The following PRDM5 variants were observed in gnomAD, a reference collection of about 807,000 sequenced individuals.
PRDM5 encodes PR/SET domain 5.
A neutral mutation model predicts 81.2 loss-of-function variants in PRDM5; 56 were observed. That is an observed-to-expected ratio of 0.69 (90% confidence interval 0.56 to 0.86). The LOEUF is 0.86. Ranked by LOEUF, PRDM5 falls within the 40% of genes least tolerant of loss-of-function variation. PRDM5 has a pLI of 0.00. For missense variants in PRDM5, 697 were observed against 770.1 expected (o/e 0.91, Z 1.12); for synonymous variants, 267 against 256.4 (o/e 1.04, Z -0.39).
In PRDM5 at chr4:120,839,870, G is replaced by A. The variant is rs557215622; in HGVS notation, c.300+13548C>T. 7.2e-5 allele frequency among the ~76,000 whole-genome samples: 11 copies of A among 152,310 alleles called. No homozygotes were observed. In the East Asian group the frequency reaches 2.1e-3, roughly 29 times the overall value. ...CATTGGTGCCCAAGTCTGCAGCGGG[G>A]GAGCTGAGGCAGCGGGGAGCTGAGG... On this transcript the variant is annotated intron_variant, in intron 3 of 15. Transcript: ENST00000264808.
chr4:120,827,061 G>A (rs891466193), intron 3 of PRDM5, among the ~76,000 whole-genome samples: 1 of 152,148 alleles, frequency 6.6e-6, no homozygotes, highest in African/African-American at 2.4e-5. Context: ...TACAAAGTGA[G>A]TCATTCATAA....
intron 1 of PRDM5, among the ~76,000 whole-genome samples, chr4:120,920,108 T>C (rs1164793380): frequency 6.6e-6 from 1 of 152,084 alleles, no homozygotes; most frequent in Non-Finnish European, 1.5e-5. Flanking sequence ...GACTAGAGGA[T>C]TAAGAGGTAC....
chr4:120,717,406 C>A (rs1292069218), intron 14 of PRDM5, among the ~76,000 whole-genome samples: 3 of 152,220 alleles, frequency 2.0e-5, no homozygotes, highest in Non-Finnish European at 4.4e-5. Context: ...CTATGTGCTG[C>A]ACCTTGTAAT....
At chr4:120,706,790 A>T (rs1277412479) in intron 15 of PRDM5, among the ~76,000 whole-genome samples, 1 of 148,314 alleles carries the variant, frequency 6.7e-6, no homozygotes, top group Non-Finnish European at 1.5e-5. Context: ...CCATTTTATC[A>T]TGGTTACCCA....
chr4:120,696,850 G>A (rs1734584273), intron 15 of PRDM5, among the ~76,000 whole-genome samples: 2 of 152,066 alleles, frequency 1.3e-5, no homozygotes, highest in South Asian at 4.1e-4. Flanking sequence ...AAGTGACTTT[G>A]CAAACAAATA....
Position 120,767,470 on chromosome 4 carries a change from T to C in PRDM5, c.1537+9718A>G, listed in dbSNP as rs17051246. On this transcript the variant is annotated intron_variant, in intron 13 of 15. Coordinates refer to ENST00000264808, the MANE Select transcript of PRDM5 (RefSeq NM_018699.4). ...AAAAGAAATTTGATTTCCGAAATTG[T>C]TGATGGACAGTTTGAATACTATAAA... Among the ~76,000 whole-genome samples the C allele has an allele frequency of 7.8e-3, 1,189 of 152,310 alleles. 17 individuals carry two copies. Among genetic ancestry groups the C allele is most frequent in the African/African-American group, 0.027 (1,125 of 41,572 alleles).
chr4:120,741,765 C>T (rs1291917240), intron 14 of PRDM5, among the ~76,000 whole-genome samples: 1 of 152,156 alleles, frequency 6.6e-6, no homozygotes, highest in Non-Finnish European at 1.5e-5. Flanking sequence ...ATGCACCTGG[C>T]TCAGAGGGTC....
chr4:120,770,744 A>C (rs907298), intron 13 of PRDM5, among the ~76,000 whole-genome samples: 95,035 of 151,898 alleles, frequency 0.63, 30,379 homozygotes, highest in East Asian at 0.72. Context: ...TCCATTTGAG[A>C]ATAAGATGCA....
intron 14 of PRDM5, among the ~76,000 whole-genome samples, chr4:120,715,557 G>GA (rs2149042157): frequency 6.6e-6 from 1 of 152,238 alleles, no homozygotes; most frequent in South Asian, 2.1e-4. Context: ...ACTTGAAAAT[G>GA]AAAAGGTAGT....
Position 120,880,645 on chromosome 4 carries a change from T to C in PRDM5, c.177+26829A>G, listed in dbSNP as rs188401168. Among the ~76,000 whole-genome samples the C allele has an allele frequency of 2.6e-5, 4 of 152,280 alleles. No individual in the cohort carries two copies. In the East Asian group the frequency reaches 7.7e-4, roughly 29 times the overall value. The stretch of plus-strand genomic sequence containing the variant: ...ATATACTACATTTTCGTCATTAATA[T>C]TTAATCTCAGTTTAGGTTTTATAAA... On this transcript the variant is annotated intron_variant, in intron 2 of 15. Coordinates refer to ENST00000264808, the MANE Select transcript of PRDM5 (RefSeq NM_018699.4).
chr4:120,808,515 T>C (rs916144561), intron 8 of PRDM5, among the ~76,000 whole-genome samples: 4 of 152,048 alleles, frequency 2.6e-5, no homozygotes, highest in Admixed American at 1.3e-4. Context: ...GTTCTCCAAG[T>C]CCCCACCAGA....
chr4:120,880,757 A>G (rs1303085797), intron 2 of PRDM5, among the ~76,000 whole-genome samples: 1 of 152,174 alleles, frequency 6.6e-6, no homozygotes, highest in Non-Finnish European at 1.5e-5. Flanking sequence ...GTACCAAAAA[A>G]TCATTGTCCT....
chr4:120,859,494 G>A (rs915471798), intron 2 of PRDM5, among the ~76,000 whole-genome samples: 1 of 152,026 alleles, frequency 6.6e-6, no homozygotes, highest in Non-Finnish European at 1.5e-5. Context: ...CAAAGTGCTG[G>A]GATTACAGGC....
intron 14 of PRDM5, among the ~76,000 whole-genome samples, chr4:120,718,285 G>T (rs1738087851): frequency 6.6e-6 from 1 of 152,190 alleles, no homozygotes; most frequent in African/African-American, 2.4e-5. Flanking sequence ...AGATGTGGAA[G>T]ACAGTCTTTG....
intron 2 of PRDM5, among the ~76,000 whole-genome samples, chr4:120,880,515 C>T (rs1762743036): frequency 6.6e-6 from 1 of 152,092 alleles, no homozygotes; most frequent in Non-Finnish European, 1.5e-5. Context: ...ACAATATTAT[C>T]AATTCAACCA....
At chr4:120,778,048 T>C (rs1276007330) in intron 12 of PRDM5, among the ~76,000 whole-genome samples, 1 of 152,064 alleles carries the variant, frequency 6.6e-6, no homozygotes, top group Non-Finnish European at 1.5e-5. Context: ...TTCCAATAAA[T>C]GAAGGGTCAG....
chr4:120,793,499 G>A (rs1406869231), intron 10 of PRDM5, among the ~76,000 whole-genome samples: 1 of 152,158 alleles, frequency 6.6e-6, no homozygotes, highest in Non-Finnish European at 1.5e-5. Context: ...ACTGGTCCAT[G>A]GAAAAACTGT....
intron 3 of PRDM5, among the ~76,000 whole-genome samples, chr4:120,828,418 G>T (rs779262539): frequency 6.6e-6 from 1 of 151,960 alleles, no homozygotes; most frequent in African/African-American, 2.4e-5. Context: ...AAAATGTAAA[G>T]ATCCCACAAA....
intron 2 of PRDM5, among the ~76,000 whole-genome samples, chr4:120,883,112 G>A (rs1763024980): frequency 6.6e-6 from 1 of 152,166 alleles, no homozygotes; most frequent in Non-Finnish European, 1.5e-5. Context: ...CTTTTAAAGT[G>A]TTATTGTAGG....
Sources: gnomAD v4.1 joint callset for allele counts (sites outside exome capture counted in the v4.1 genomes callset) on GRCh38, gnomAD v4.1.1 for gene constraint, MANE v1.5 for transcripts, NCBI Gene and HGNC (gene_info 2026-07-23, HGNC 2026-07-21) for gene names.